Variants in SCN1A observed in about 807,000 individuals in gnomAD.
SCN1A encodes sodium voltage-gated channel alpha subunit 1, also known as sodium channel protein type 1 subunit alpha.
SCN1A carries 13 observed loss-of-function variants against 193.7 expected under a neutral mutation model. The observed-to-expected ratio is 0.07, with a 90% CI of 0.04 to 0.11. SCN1A has a LOEUF of 0.11. Among genes scored for constraint, SCN1A ranks in the 10% least tolerant of loss-of-function variants. The pLI is 1.00. For missense variants in SCN1A, 1,432 were observed against 2,451.1 expected (o/e 0.58, Z 8.78); for synonymous variants, 781 against 843.6 (o/e 0.93, Z 1.29).
intron 9 of SCN1A, among the ~76,000 whole-genome samples, chr2:166,050,140 C>A (rs1050805358): frequency 1.3e-5 from 2 of 151,822 alleles, no homozygotes; most frequent in Non-Finnish European, 2.9e-5. Context: ...AGAGAAAGGA[C>A]TATAATAGTT....
Position 166,058,680 on chromosome 2 carries a change from T to A in SCN1A, c.273A>T (p.Ile91=). The part of the protein sequence containing the change: ...DPYYINKKTF[I]VLNKGKAIFR... ...AGATGGCCTTCCCTTTATTCAATAC[T>A]ATAAAAGTCTGTAAGACAGGAACAC... Residue 91 remains isoleucine, a synonymous_variant, in exon 5 of 29, where the codon ATA becomes ATT. Transcript: ENST00000674923. The A allele has an allele frequency of 6.3e-7, 1 of 1,580,950 alleles. No individual in the cohort carries two copies. Among genetic ancestry groups the A allele is most frequent in the Non-Finnish European group, 8.7e-7 (1 of 1,150,046 alleles).
At chr2:166,065,687 C>T (rs1683766702) in intron 4 of SCN1A, among the ~76,000 whole-genome samples, 1 of 152,194 alleles carries the variant, frequency 6.6e-6, no homozygotes, top group East Asian at 1.9e-4. Flanking sequence ...CTTGCCTACC[C>T]GTGGGCCACC....
At chr2:166,011,997 G>T in intron 22 of SCN1A, 112 bp downstream of exon 22, 1 of 930,312 alleles carries the variant, frequency 1.1e-6, no homozygotes, top group Admixed American at 1.9e-5. Flanking sequence ...GCGTTTAGTG[G>T]TTATTATAGT....
In SCN1A at chr2:166,049,626, T is replaced by C. The variant is rs190015105; in HGVS notation, c.965-677A>G. Among the ~76,000 whole-genome samples the C allele has an allele frequency of 1.1e-3, 165 of 152,162 alleles. 1 individual carries two copies. In the Middle Eastern group the frequency reaches 0.037, roughly 35 times the overall value. On this transcript the variant is annotated intron_variant, in intron 9 of 28. Transcript: ENST00000674923. ...AAGATTCCTGTTTCTTGCAAACTCCTTGGCTTCTTGCAATGTCCAGTTCTT... is the reference window on the plus strand; with the variant it reads ...AAGATTCCTGTTTCTTGCAAACTCCCTGGCTTCTTGCAATGTCCAGTTCTT...
chr2:166,098,090 C>T (rs1388904793), intron 2 of SCN1A, among the ~76,000 whole-genome samples: 4 of 152,090 alleles, frequency 2.6e-5, no homozygotes, highest in African/African-American at 4.8e-5. Flanking sequence ...AGCTAACATC[C>T]CTGATGAATA....
chr2:166,025,361 A>G (rs7606193), intron 19 of SCN1A, among the ~76,000 whole-genome samples: 3,461 of 152,200 alleles, frequency 0.023, 183 homozygotes, highest in Admixed American at 0.13. Context: ...GAGGCCACCC[A>G]TAGTCTCTGG....
intron 19 of SCN1A, among the ~76,000 whole-genome samples, chr2:166,030,666 T>C (rs1695439091): frequency 6.6e-6 from 1 of 152,096 alleles, no homozygotes; most frequent in Admixed American, 6.6e-5. Flanking sequence ...AGGACAGATA[T>C]CTCATTTAAT....
At chr2:166,039,187 G>GA (rs1696826491) in intron 17 of SCN1A, among the ~76,000 whole-genome samples, 1 of 146,028 alleles carries the variant, frequency 6.8e-6, no homozygotes, top group East Asian at 2.2e-4. Flanking sequence ...AATACTTAGT[G>GA]AAAATAGCAA....
At chr2:166,117,985 A>G (rs1448971053) in intron 2 of SCN1A, among the ~76,000 whole-genome samples, 1 of 149,432 alleles carries the variant, frequency 6.7e-6, no homozygotes, top group East Asian at 2.0e-4. Context: ...TTTTTTTTTG[A>G]TTTTTTGGAT....
chr2:166,045,434 G>C (rs1697707022), intron 12 of SCN1A, 107 bp from the exon 13 acceptor site: 1 of 1,239,874 alleles, frequency 8.1e-7, no homozygotes. Context: ...TGAACTGACT[G>C]AAGATCATCT....
intron 17 of SCN1A, among the ~76,000 whole-genome samples, chr2:166,038,388 G>A (rs369889278): frequency 6.6e-6 from 1 of 151,428 alleles, no homozygotes; most frequent in South Asian, 2.1e-4. Context: ...TCACCCAGGC[G>A]GGAGTGCAGA....
chr2:166,138,855 G>A (rs1165453822), intron 1 of SCN1A, among the ~76,000 whole-genome samples: 1 of 152,144 alleles, frequency 6.6e-6, no homozygotes, highest in African/African-American at 2.4e-5. Context: ...AAGCAACTAG[G>A]AGGGAGTCTG....
chr2:166,045,193 T>C lies in SCN1A; in HGVS notation c.1512A>G (p.Arg504=), dbSNP rs1233541206. 1.2e-6 allele frequency: 2 copies of C among 1,614,214 alleles called. No individual in the cohort carries two copies. The highest frequency in any genetic ancestry group is 1.7e-5 in the Admixed American group (1 of 60,020). ...CCCCACCAGACTGCTCTTTCTGTTT[T>C]CTTTTCTTCCTCCGATTTCTTCTTT... The part of the protein sequence containing the change: ...AKERRNRRKK[R]KQKEQSGGEE... The change falls in exon 13 of 29, where the codon AGA becomes AGG. Residue 504 remains arginine (R), a synonymous_variant. Coordinates refer to ENST00000674923, the MANE Select transcript of SCN1A (RefSeq NM_001165963.4).
intron 2 of SCN1A, among the ~76,000 whole-genome samples, chr2:166,118,852 T>C (rs1195814985): frequency 6.6e-6 from 1 of 152,206 alleles, no homozygotes. Flanking sequence ...GATTTTTTCT[T>C]TAATCTTAAA....
At chr2:165,995,839 A>G (rs1689957462) in intron 27 of SCN1A, among the ~76,000 whole-genome samples, 174 bp downstream of exon 27, 1 of 141,610 alleles carries the variant, frequency 7.1e-6, no homozygotes, top group African/African-American at 3.1e-5. Context: ...TTTGGTCTTT[A>G]ATTTTTTTTG....
intron 12 of SCN1A, 28 bp from the exon 13 acceptor site, chr2:166,045,355 T>A (rs1048005377): frequency 1.2e-6 from 2 of 1,611,872 alleles, no homozygotes; most frequent in African/African-American, 1.3e-5. Context: ...GATTTTAACA[T>A]AGCACCTGAA....
chr2:166,020,220 T>C (rs1279246702), intron 19 of SCN1A, among the ~76,000 whole-genome samples: 1 of 152,188 alleles, frequency 6.6e-6, no homozygotes, highest in Non-Finnish European at 1.5e-5. Context: ...CAAGGTGAAC[T>C]TCTTAATGTT....
chr2:166,003,575 A>C (rs1691242757), intron 23 of SCN1A, among the ~76,000 whole-genome samples: 1 of 150,626 alleles, frequency 6.6e-6, no homozygotes, highest in African/African-American at 2.4e-5. Context: ...CTTCTGGACC[A>C]CTAGTTAAAA....
chr2:165,996,225 G>A (rs1440786249), intron 26 of SCN1A, 108 bp from the exon 27 acceptor site: 1 of 686,698 alleles, frequency 1.5e-6, no homozygotes, highest in Non-Finnish European at 2.5e-6. Flanking sequence ...AAATTCAACT[G>A]ATTAGTATAA....
Sources: gnomAD v4.1 joint callset for allele counts (sites outside exome capture counted in the v4.1 genomes callset) on GRCh38, gnomAD v4.1.1 for gene constraint, MANE v1.5 for transcripts, NCBI Gene and HGNC (gene_info 2026-07-23, HGNC 2026-07-21) for gene names.